Variants in CHST4 observed in about 807,000 individuals in gnomAD.
The protein encoded by CHST4 is GST-3.
For synonymous variants in CHST4, 171 were observed against 195.5 expected (o/e 0.87, Z 1.05); for missense variants, 466 against 506.0 (o/e 0.92, Z 0.76).
At chr16:71,532,388 C>A (rs1017078471) in intron 1 of CHST4, among the ~76,000 whole-genome samples, 1 of 152,076 alleles carries the variant, frequency 6.6e-6, no homozygotes, top group Non-Finnish European at 1.5e-5. Context: ...GACTACAGGG[C>A]AGGAATTACC....
At chr16:71,527,882 T>C (rs1013391539) in intron 1 of CHST4, among the ~76,000 whole-genome samples, 16 of 152,132 alleles carry the variant, frequency 1.1e-4, no homozygotes, top group African/African-American at 3.6e-4. Flanking sequence ...AAATGTTTCT[T>C]ATCAGACTTA....
At chr16:71,535,538 A>C (rs1432231660) in intron 1 of CHST4, among the ~76,000 whole-genome samples, 1 of 152,164 alleles carries the variant, frequency 6.6e-6, no homozygotes, top group Non-Finnish European at 1.5e-5. Flanking sequence ...TTTGAAAATA[A>C]ATATCTAAAT....
intron 1 of CHST4, among the ~76,000 whole-genome samples, chr16:71,530,734 A>G (rs1456329353): frequency 6.6e-6 from 1 of 151,708 alleles, no homozygotes; most frequent in East Asian, 1.9e-4. Flanking sequence ...TGATCATGCC[A>G]CTGTACTCCA....
At chr16:71,534,836 G>T (rs2043975821) in intron 1 of CHST4, among the ~76,000 whole-genome samples, 1 of 152,166 alleles carries the variant, frequency 6.6e-6, no homozygotes. Flanking sequence ...AGAATTTCTT[G>T]TGTACATGGT....
chr16:71,537,171 A>T lies in CHST4; in HGVS notation c.494A>T (p.Glu165Val). 6.2e-7 allele frequency: 1 copy of T among 1,614,032 alleles called. No homozygotes were observed. The highest frequency in any genetic ancestry group is 8.5e-7 in the Non-Finnish European group (1 of 1,180,020). ...AGTCAACAGCCCTTTGAGGTGGTGG[A>T]GAAGGCCTGCCGCTCCTACAGCCAC... ...LCSQQPFEVV[E>V]KACRSYSHVV... is the part of the protein sequence containing the mutation. Residue 165 changes from glutamate (E) to valine (V), a missense_variant, in exon 2 of 2, where the codon GAG becomes GTG. Transcript: ENST00000539698. The surrounding 1 kb of genome is among the most constrained non-coding windows in gnomAD (Gnocchi z 4.2).
rs1016442691 is a variant in CHST4 at position 71,538,078 on chromosome 16, T to C, written c.*240T>C. ...CCACCAGTGAAACAGGGTATTGCTC[T>C]TCTTCTTTTCTTGATCTTCCTGTCT... On this transcript the variant is annotated 3_prime_UTR_variant, in exon 2 of 2. Transcript: ENST00000539698. The C allele has an allele frequency of 3.9e-5, 21 of 535,928 alleles. No homozygotes were observed. Among genetic ancestry groups the C allele is most frequent in the Non-Finnish European group, 7.1e-5 (21 of 296,538 alleles). 33.2% of individuals were successfully genotyped at this position (535,928 alleles called of 1,614,324 possible). A position where few individuals can be genotyped will look rare whatever the true frequency, so the allele number is the denominator to read the frequency against.
Position 71,534,348 on chromosome 16 carries a change from C to CTTTT in CHST4, c.-18-2296_-18-2293dup, listed in dbSNP as rs548597955. 1.7e-3 allele frequency among the ~76,000 whole-genome samples: 212 copies of CTTTT among 123,254 alleles called. 1 individual carries two copies. The highest frequency in any genetic ancestry group is 2.5e-3 in the Non-Finnish European group (148 of 59,926). The allele number at this position is 123,254 out of a possible 152,430, so 80.9% of individuals were successfully genotyped here. ...AGATCTGACTGGGCAACATTTCTTTCTTTTTTTTTTTTTTTTTTTCTTTTT... is the reference window on the plus strand; with the variant it reads ...AGATCTGACTGGGCAACATTTCTTTCTTTTTTTTTTTTTTTTTTTTTTTCTTTTT... On this transcript the variant is annotated intron_variant, in intron 1 of 1. Transcript: ENST00000539698.
At chr16:71,531,262 G>T (rs184262942) in intron 1 of CHST4, among the ~76,000 whole-genome samples, 478 of 152,104 alleles carry the variant, frequency 3.1e-3, no homozygotes, top group Non-Finnish European at 4.6e-3. Flanking sequence ...CTGGTGACTC[G>T]CATCACCTCG....
At chr16:71,534,627 G>A (rs1463604294) in intron 1 of CHST4, among the ~76,000 whole-genome samples, 1 of 151,812 alleles carries the variant, frequency 6.6e-6, no homozygotes, top group Non-Finnish European at 1.5e-5. Context: ...AAAAGTGTTG[G>A]GACTACAGGC....
intron 1 of CHST4, among the ~76,000 whole-genome samples, chr16:71,528,724 G>A (rs2043925493): frequency 6.6e-6 from 1 of 152,196 alleles, no homozygotes; most frequent in African/African-American, 2.4e-5. Context: ...AATGCATCCA[G>A]TGGCTGGAAC....
In CHST4 at chr16:71,537,511, C is replaced by T; in HGVS notation, c.834C>T (p.Asp278=). The part of the protein sequence containing the change: ...QERYLLVRYE[D]LARAPVAQTS... Reference sequence around the variant, plus strand: ...GCTACCTGCTTGTGCGCTATGAGGACCTGGCTCGAGCCCCTGTGGCCCAGA... The same window carrying T: ...GCTACCTGCTTGTGCGCTATGAGGATCTGGCTCGAGCCCCTGTGGCCCAGA... The change falls in exon 2 of 2, where the codon GAC becomes GAT. Residue 278 remains aspartate, a synonymous_variant. Transcript: ENST00000539698. This position sits in a 1 kb window ranked among gnomAD's most constrained non-coding sequence, Gnocchi z 4.2. 6.2e-7 allele frequency: 1 copy of T among 1,614,176 alleles called. No homozygotes were observed. The highest frequency in any genetic ancestry group is 8.5e-7 in the Non-Finnish European group (1 of 1,180,030).
At position 71,536,955 on chromosome 16, in the gene CHST4, C is replaced by T; in HGVS notation, c.278C>T (p.Ala93Val). The T allele has an allele frequency of 6.2e-7, 1 of 1,613,826 alleles. No individual in the cohort carries two copies. The highest frequency in any genetic ancestry group is 8.5e-7 in the Non-Finnish European group (1 of 1,179,822). Residue 93 changes from alanine to valine, a missense_variant, in exon 2 of 2, where the codon GCT becomes GTT. Coordinates refer to ENST00000539698, the MANE Select transcript of CHST4 (RefSeq NM_001166395.2). ...AGCACCGCCTGGATGCTGCACATGG[C>T]TGTGCGGGATCTGATACGGGCCGTC... ...KQSTAWMLHM[A>V]VRDLIRAVFL... is the part of the protein sequence containing the mutation.
At chr16:71,526,563 A>G (rs2043909812) in intron 1 of CHST4, 68 bp downstream of exon 1, 1 of 152,256 alleles carries the variant, frequency 6.6e-6, no homozygotes, top group Non-Finnish European at 1.5e-5. Context: ...GAGCAAGAGT[A>G]TCAGATAACC....
In CHST4 at chr16:71,536,944, G is replaced by C; in HGVS notation, c.267G>C (p.Met89Ile). 6.2e-7 allele frequency: 1 copy of C among 1,612,880 alleles called. No individual in the cohort carries two copies. ...CCTTCAAGCAGAGCACCGCCTGGAT[G>C]CTGCACATGGCTGTGCGGGATCTGA... ...WMTFKQSTAW[M>I]LHMAVRDLIR... is the part of the protein sequence containing the mutation. The change falls in exon 2 of 2, where the codon ATG becomes ATC. Residue 89 changes from methionine to isoleucine, a missense_variant. By Grantham distance (10) the Met-to-Ile change is conservative. Coordinates refer to ENST00000539698, the MANE Select transcript of CHST4 (RefSeq NM_001166395.2).
In CHST4 at chr16:71,538,067, G is replaced by A. The variant is rs2044006857; in HGVS notation, c.*229G>A. On this transcript the variant is annotated 3_prime_UTR_variant, in exon 2 of 2. Transcript: ENST00000539698. ...AGCAGCACATCCCACCAGTGAAACA[G>A]GGTATTGCTCTTCTTCTTTTCTTGA... 1 of 572,138 alleles carries A rather than the reference G, an allele frequency of 1.7e-6. No homozygotes were observed. Among genetic ancestry groups the A allele is most frequent in the East Asian group, 2.9e-5 (1 of 34,048 alleles). 35.4% of individuals were successfully genotyped at this position (572,138 alleles called of 1,614,324 possible).
At position 71,537,023 on chromosome 16, in the gene CHST4, G is replaced by C; in HGVS notation, c.346G>C (p.Gly116Arg). The C allele has an allele frequency of 6.2e-7, 1 of 1,614,102 alleles. No homozygotes were observed. Among genetic ancestry groups the C allele is most frequent in the Non-Finnish European group, 8.5e-7 (1 of 1,180,008 alleles). Reference protein sequence around the residue: ...MSVFDAYMEPGPRRQSSLFQW... With the variant: ...MSVFDAYMEPRPRRQSSLFQW... ...CGTCTTTGATGCCTACATGGAACCT[G>C]GTCCCCGGAGACAGTCCAGCCTCTT... The change falls in exon 2 of 2, where the codon GGT (glycine) becomes CGT (arginine). Residue 116 changes from glycine (G) to arginine (R), a missense_variant. Gly to Arg is a moderately radical substitution (Grantham distance 125). Transcript: ENST00000539698. This position sits in a 1 kb window ranked among gnomAD's most constrained non-coding sequence, Gnocchi z 4.2.
Position 71,537,104 on chromosome 16 carries a change from C to T in CHST4, c.427C>T (p.Gln143Ter). The change falls in exon 2 of 2, where the codon CAA becomes TAA. Residue 143 changes from glutamine to a stop codon, truncating the protein, a stop_gained. Transcript: ENST00000539698. LOFTEE classifies it low-confidence loss of function (END_TRUNC). This position sits in a 1 kb window ranked among gnomAD's most constrained non-coding sequence, Gnocchi z 4.2. ...CSAPACDIIPQDEIIPRAHCR... is the reference protein window; with the variant it reads ...CSAPACDIIP ...TGCACCTGCCTGTGACATCATCCCA[C>T]AAGATGAAATCATCCCCCGGGCTCA... The T allele has an allele frequency of 1.2e-6, 2 of 1,614,182 alleles. No homozygotes were observed. The highest frequency in any genetic ancestry group is 1.1e-5 in the South Asian group (1 of 91,074).
At position 71,537,912 on chromosome 16, in the gene CHST4, T is replaced by TGAGCCTTA; in HGVS notation, c.*74_*75insGAGCCTTA. 7.3e-7 allele frequency: 1 copy of TGAGCCTTA among 1,372,718 alleles called. No individual in the cohort carries two copies. Among genetic ancestry groups the TGAGCCTTA allele is most frequent in the Non-Finnish European group, 1.0e-6 (1 of 995,644 alleles). 85.0% of individuals were successfully genotyped at this position (1,372,718 alleles called of 1,614,324 possible). On this transcript the variant is annotated 3_prime_UTR_variant, in exon 2 of 2. Transcript: ENST00000539698. The surrounding 1 kb of genome is among the most constrained non-coding windows in gnomAD (Gnocchi z 4.2). ...TCTCTGAATGCTTCTGAGCCTTGCCTACATCTCTGAGCCTTAACTACATGT... is the reference window on the plus strand; with the variant it reads ...TCTCTGAATGCTTCTGAGCCTTGCCTGAGCCTTAACATCTCTGAGCCTTAACTACATGT...
chr16:71,536,668 C>T lies in CHST4; in HGVS notation c.-10C>T. On this transcript the variant is annotated 5_prime_UTR_variant, in exon 2 of 2. Coordinates refer to ENST00000539698, the MANE Select transcript of CHST4 (RefSeq NM_001166395.2). ...CTGTTTGTTCCTTAAAGGTCTTCCA[C>T]TTCAGCACAATGCTACTGCCTAAAA... 6.8e-7 allele frequency: 1 copy of T among 1,461,744 alleles called. No homozygotes were observed. The highest frequency in any genetic ancestry group is 9.0e-7 in the Non-Finnish European group (1 of 1,108,468). 90.5% of individuals were successfully genotyped at this position (1,461,744 alleles called of 1,614,324 possible). A position where few individuals can be genotyped will look rare whatever the true frequency, so the allele number is the denominator to read the frequency against.
Sources: allele counts gnomAD v4.1 joint callset (sites outside exome capture counted in the v4.1 genomes callset), GRCh38; gene constraint gnomAD v4.1.1; non-coding constraint Gnocchi (gnomAD v3.1); transcripts MANE v1.5; gene names NCBI Gene and HGNC (gene_info 2026-07-23, HGNC 2026-07-21).